Variants in BAIAP2L1 observed in about 807,000 individuals in gnomAD.
The protein encoded by BAIAP2L1 is BAR/IMD domain-containing adapter protein 2-like 1.
In BAIAP2L1, 35 loss-of-function variants were observed where a neutral mutation model predicts 66.3. The observed-to-expected ratio is 0.53, with a 90% CI of 0.40 to 0.70. BAIAP2L1 has a LOEUF of 0.70. BAIAP2L1 is among the 30% of genes least tolerant of loss of function. The pLI is 0.00. For synonymous variants in BAIAP2L1, 269 were observed against 248.7 expected, an observed-to-expected ratio of 1.08 and a Z score of -0.77; for missense variants, 622 against 656.9, an observed-to-expected ratio of 0.95 and a Z score of 0.58.
chr7:98,323,717 G>C (rs927960036), intron 3 of BAIAP2L1, among the ~76,000 whole-genome samples: 26 of 152,206 alleles, frequency 1.7e-4, no homozygotes, highest in African/African-American at 6.3e-4. Context: ...GGGCAGGCAG[G>C]CAACACCTGG....
intron 13 of BAIAP2L1, 150 bp from the exon 14 acceptor site, chr7:98,293,746 G>T: frequency 1.3e-6 from 1 of 756,974 alleles, no homozygotes; most frequent in South Asian, 1.6e-5. Flanking sequence ...TTCTGAGTGT[G>T]AAAGTTTTGT....
intron 3 of BAIAP2L1, among the ~76,000 whole-genome samples, chr7:98,339,431 C>T (rs752081692): frequency 2.0e-5 from 3 of 152,158 alleles, no homozygotes; most frequent in Non-Finnish European, 2.9e-5. Context: ...TTAAGTCACT[C>T]GGAAGAGGAA....
chr7:98,392,630 C>T (rs1480854508), intron 1 of BAIAP2L1, among the ~76,000 whole-genome samples: 1 of 152,076 alleles, frequency 6.6e-6, no homozygotes, highest in Non-Finnish European at 1.5e-5. Flanking sequence ...TGTCCAACCA[C>T]AGGGGCTGAT....
At chr7:98,392,203 G>T (rs1051194682) in intron 1 of BAIAP2L1, among the ~76,000 whole-genome samples, 4 of 151,530 alleles carry the variant, frequency 2.6e-5, no homozygotes, top group African/African-American at 9.7e-5. Flanking sequence ...CCTTAGCTGG[G>T]TGTGGTGGCG....
intron 1 of BAIAP2L1, among the ~76,000 whole-genome samples, chr7:98,379,790 C>A (rs752729061): frequency 3.3e-5 from 5 of 152,132 alleles, no homozygotes; most frequent in African/African-American, 1.2e-4. Flanking sequence ...AAACCCATTA[C>A]GCTAAGAAGC....
intron 1 of BAIAP2L1, among the ~76,000 whole-genome samples, chr7:98,362,974 G>A (rs189710146): frequency 6.6e-6 from 1 of 151,844 alleles, no homozygotes; most frequent in Admixed American, 6.6e-5. Flanking sequence ...TGTTGCTGAT[G>A]GCCCCAGGAC....
At chr7:98,339,073 T>TAAA (rs34884828) in intron 3 of BAIAP2L1, among the ~76,000 whole-genome samples, 12 of 126,696 alleles carry the variant, frequency 9.5e-5, no homozygotes, top group Non-Finnish European at 2.0e-4. Context: ...ACTCTGTCTT[T>TAAA]AAAAAAAAAA....
chr7:98,298,719 CA>C (rs1487446907), intron 12 of BAIAP2L1, among the ~76,000 whole-genome samples: 1 of 152,158 alleles, frequency 6.6e-6, no homozygotes, highest in Non-Finnish European at 1.5e-5. Flanking sequence ...CTGGTTTAGG[CA>C]TTTTGGTTAG....
At chr7:98,319,068 T>A (rs1801165925) in intron 5 of BAIAP2L1, among the ~76,000 whole-genome samples, 1 of 152,082 alleles carries the variant, frequency 6.6e-6, no homozygotes, top group African/African-American at 2.4e-5. Context: ...TCCTGTGGCC[T>A]CCTGCCGGGA....
At chr7:98,304,507 C>T in intron 11 of BAIAP2L1, 131 bp from the exon 12 acceptor site, 1 of 860,774 alleles carries the variant, frequency 1.2e-6, no homozygotes, top group Non-Finnish European at 1.8e-6. Flanking sequence ...TGATCTCACA[C>T]ACACAGACAC....
chr7:98,298,163 C>A (rs1349638315), intron 12 of BAIAP2L1, among the ~76,000 whole-genome samples: 1 of 152,254 alleles, frequency 6.6e-6, no homozygotes, highest in African/African-American at 2.4e-5. Context: ...AGCCCCTGCT[C>A]TCAGATCGTC....
At chr7:98,299,508 G>A (rs756263891) in intron 12 of BAIAP2L1, among the ~76,000 whole-genome samples, 8 of 151,186 alleles carry the variant, frequency 5.3e-5, no homozygotes, top group Non-Finnish European at 7.4e-5. Context: ...TGACCACCAC[G>A]TTATGGATCA....
chr7:98,366,636 G>A (rs1324459656), intron 1 of BAIAP2L1, among the ~76,000 whole-genome samples: 1 of 152,062 alleles, frequency 6.6e-6, no homozygotes, highest in Admixed American at 6.6e-5. Flanking sequence ...ATTTTAATGG[G>A]TTCTCAAAAG....
intron 1 of BAIAP2L1, among the ~76,000 whole-genome samples, chr7:98,387,095 G>A (rs1425743964): frequency 2.0e-5 from 3 of 151,974 alleles, no homozygotes; most frequent in African/African-American, 7.3e-5. Context: ...TTCCCATATT[G>A]AGACAAAACC....
In BAIAP2L1 at chr7:98,293,554, C is replaced by T; in HGVS notation, c.1503G>A (p.Val501=). 1.2e-6 allele frequency: 2 copies of T among 1,613,908 alleles called. No individual in the cohort carries two copies. Among genetic ancestry groups the T allele is most frequent in the Non-Finnish European group, 1.7e-6 (2 of 1,179,966 alleles). ...PFATVKLRPT[V]TNDRSAPIIR is the part of the protein sequence containing the mutation. ...TGATGGGTGCCGAGCGATCATTCGTCACAGTCGGGCGGAGTTTCACAGTGG... is the reference window on the plus strand; with the variant it reads ...TGATGGGTGCCGAGCGATCATTCGTTACAGTCGGGCGGAGTTTCACAGTGG... Residue 501 remains valine, a synonymous_variant, in exon 14 of 14, where the codon GTG becomes GTA. Coordinates refer to ENST00000005260, the MANE Select transcript of BAIAP2L1 (RefSeq NM_018842.5).
At chr7:98,352,762 A>G (rs1802027018) in intron 3 of BAIAP2L1, among the ~76,000 whole-genome samples, 1 of 152,206 alleles carries the variant, frequency 6.6e-6, no homozygotes, top group East Asian at 1.9e-4. Flanking sequence ...TTATACCAAC[A>G]TCGTTGCTGT....
At chr7:98,393,127 A>C (rs923870555) in intron 1 of BAIAP2L1, among the ~76,000 whole-genome samples, 1 of 99,086 alleles carries the variant, frequency 1.0e-5, no homozygotes, top group African/African-American at 3.1e-5. Context: ...ATATATGTAT[A>C]TATACACACA....
intron 3 of BAIAP2L1, among the ~76,000 whole-genome samples, chr7:98,329,218 A>G (rs540461317): frequency 6.6e-6 from 1 of 152,326 alleles, no homozygotes; most frequent in South Asian, 2.1e-4. Flanking sequence ...TAAAATAAGA[A>G]ACAGTAATTC....
intron 3 of BAIAP2L1, among the ~76,000 whole-genome samples, chr7:98,343,960 C>T (rs1801810316): frequency 6.6e-6 from 1 of 152,326 alleles, no homozygotes; most frequent in Admixed American, 6.5e-5. Context: ...GCGGACGGAT[C>T]ATGAGGTCAA....
Sources: gnomAD v4.1 joint callset for allele counts (sites outside exome capture counted in the v4.1 genomes callset) on GRCh38, gnomAD v4.1.1 for gene constraint, MANE v1.5 for transcripts, NCBI Gene and HGNC (gene_info 2026-07-23, HGNC 2026-07-21) for gene names.